SYTL5: variants seen among roughly 807,000 people sequenced by gnomAD.
The protein encoded by SYTL5 is synaptotagmin like 5.
A neutral mutation model predicts 55.9 loss-of-function variants in SYTL5; 34 were observed. The observed-to-expected ratio is 0.61, with a 90% CI of 0.46 to 0.81. The LOEUF is 0.81. Ranked by LOEUF, SYTL5 falls within the 30% of genes least tolerant of loss-of-function variation. The pLI, the probability that SYTL5 is intolerant of heterozygous loss-of-function variation, is 0.00. For synonymous variants in SYTL5, 221 were observed against 188.7 expected, an observed-to-expected ratio of 1.17 and a Z score of -1.40; for missense variants, 637 against 546.7, an observed-to-expected ratio of 1.17 and a Z score of -1.65.
intron 1 of SYTL5, among the ~76,000 whole-genome samples, chrX:38,029,280 T>A (rs1934878540): frequency 8.9e-6 from 1 of 112,267 alleles, no homozygotes; most frequent in African/African-American, 3.2e-5. Context: ...CCTATCTAAC[T>A]TCAAACAATC....
chrX:37,985,693 T>C, the SYTL5 span, among the ~76,000 whole-genome samples: 1 of 110,588 alleles, frequency 9.0e-6, no homozygotes, highest in Non-Finnish European at 1.9e-5. Flanking sequence ...GTAAAATTCA[T>C]ATGAAATTTC....
chrX:37,941,793 T>C, the SYTL5 span, among the ~76,000 whole-genome samples: 1 of 112,521 alleles, frequency 8.9e-6, no homozygotes, highest in Non-Finnish European at 1.9e-5. Flanking sequence ...CATCAAGGAC[T>C]GAAGCATTTT....
At chrX:37,972,270 T>G in the SYTL5 span, among the ~76,000 whole-genome samples, 6 of 111,553 alleles carry the variant, frequency 5.4e-5, no homozygotes, top group East Asian at 1.7e-3. Context: ...CAAACCGGAA[T>G]AGGATAAATT....
intron 15 of SYTL5, among the ~76,000 whole-genome samples, chrX:38,123,419 G>A (rs761016606): frequency 2.7e-5 from 3 of 112,095 alleles, no homozygotes; most frequent in East Asian, 5.6e-4. Context: ...ATGAGCCACC[G>A]TGCCTGGCCA....
intron 6 of SYTL5, among the ~76,000 whole-genome samples, chrX:38,088,765 G>A (rs1330134266): frequency 8.9e-6 from 1 of 112,132 alleles, no homozygotes; most frequent in Non-Finnish European, 1.9e-5. Flanking sequence ...AATATGTACT[G>A]AGTGGCTTCT....
the SYTL5 span, among the ~76,000 whole-genome samples, chrX:37,964,316 T>A: frequency 2.8e-3 from 315 of 112,324 alleles, no homozygotes; most frequent in Non-Finnish European, 4.4e-3. Flanking sequence ...AATAAATTTC[T>A]GTTGTTTATA....
intron 2 of SYTL5, among the ~76,000 whole-genome samples, chrX:38,043,661 G>GTGTATATATATATATATA (rs1285664433): frequency 4.0e-5 from 2 of 50,144 alleles, no homozygotes; most frequent in African/African-American, 1.9e-4. Context: ...ATGTATGTAT[G>GTGTATATATATATATATA]TATATATATA....
At chrX:38,105,834 G>A (rs993224108) in intron 10 of SYTL5, among the ~76,000 whole-genome samples, 5 of 112,387 alleles carry the variant, frequency 4.4e-5, no homozygotes, top group Non-Finnish European at 9.4e-5. Flanking sequence ...GCTGTCTCAT[G>A]TCATTAGTGT....
the SYTL5 span, among the ~76,000 whole-genome samples, chrX:37,937,217 AAC>A: frequency 9.0e-6 from 1 of 110,833 alleles, no homozygotes; most frequent in African/African-American, 3.3e-5. Context: ...GTTACTTCAT[AAC>A]ACAGTTGTAA....
chrX:38,048,416 T>C (rs1200392241), intron 2 of SYTL5, among the ~76,000 whole-genome samples: 2 of 109,076 alleles, frequency 1.8e-5, no homozygotes, highest in African/African-American at 6.7e-5. Context: ...CAAAGTTGCT[T>C]CCACATTTTT....
At chrX:38,020,408 CATATATATATATATATATATATATAT>C (rs59575156) in intron 1 of SYTL5, among the ~76,000 whole-genome samples, 61 of 58,569 alleles carry the variant, frequency 1.0e-3, no homozygotes, top group Admixed American at 6.1e-3. Context: ...TATGTGTGTG[CATATATATATATATATATATATATAT>C]ATATATATAT....
chrX:37,944,806 A>AT, the SYTL5 span, among the ~76,000 whole-genome samples: 2 of 112,000 alleles, frequency 1.8e-5, no homozygotes, highest in African/African-American at 3.2e-5. Flanking sequence ...AATACATTTG[A>AT]TTTTTTCTTC....
the SYTL5 span, among the ~76,000 whole-genome samples, chrX:37,895,505 T>TTTTTC: frequency 1.0e-5 from 1 of 99,246 alleles, no homozygotes; most frequent in Admixed American, 1.1e-4. Context: ...TCTTTCTTTC[T>TTTTTC]TTTTCTTTTC....
At chrX:37,937,776 A>G in the SYTL5 span, among the ~76,000 whole-genome samples, 1 of 112,483 alleles carries the variant, frequency 8.9e-6, no homozygotes, top group African/African-American at 3.2e-5. Flanking sequence ...TCTTCTTCCC[A>G]TGATCACATG....
rs1364644373 is a variant in SYTL5 at position 38,126,703 on chromosome X, T to C, written c.2166T>C (p.Arg722=). 1.7e-6 allele frequency: 2 copies of C among 1,209,562 alleles called. No homozygotes were observed. Among genetic ancestry groups the C allele is most frequent in the East Asian group, 5.9e-5 (2 of 33,793 alleles). ...GTPFEGVLML[R]SSMGKCRL is the part of the protein sequence containing the mutation. The stretch of plus-strand genomic sequence containing the variant: ...CCTTTGAGGGTGTACTCATGCTTCG[T>C]TCCAGCATGGGAAAATGTAGGCTCT... Residue 722 remains arginine (R), a synonymous_variant, in exon 17 of 17, where the codon CGT becomes CGC. Transcript: ENST00000297875.
At chrX:38,088,649 A>T (rs1435238801) in intron 6 of SYTL5, among the ~76,000 whole-genome samples, 2 of 112,660 alleles carry the variant, frequency 1.8e-5, no homozygotes. Context: ...ATTCAAGCAC[A>T]TTTACCAAAT....
chrX:37,892,377 C>T, the SYTL5 span, among the ~76,000 whole-genome samples: 1 of 104,873 alleles, frequency 9.5e-6, no homozygotes, highest in Non-Finnish European at 1.9e-5. Context: ...ATATATAATA[C>T]TTCAAGAAAG....
chrX:37,908,044 G>A, the SYTL5 span, among the ~76,000 whole-genome samples: 1 of 108,520 alleles, frequency 9.2e-6, no homozygotes, highest in African/African-American at 3.4e-5. Flanking sequence ...TTGAGCCCAG[G>A]ATTTTAAAGC....
At chrX:38,119,471 A>G (rs919571504) in intron 13 of SYTL5, among the ~76,000 whole-genome samples, 3 of 112,565 alleles carry the variant, frequency 2.7e-5, no homozygotes, top group Admixed American at 1.9e-4. Flanking sequence ...TTCACTCAGT[A>G]TAATTCTCTA....
Sources: allele counts gnomAD v4.1 joint callset (sites outside exome capture counted in the v4.1 genomes callset), GRCh38; gene constraint gnomAD v4.1.1; transcripts MANE v1.5; gene names NCBI Gene and HGNC (gene_info 2026-07-23, HGNC 2026-07-21).